Variants in GRIK4 observed in about 807,000 individuals in gnomAD.
GRIK4 encodes glutamate receptor ionotropic, kainate 4.
Under a neutral mutation model 104.9 loss-of-function variants are expected in GRIK4, and 40 were observed. That is an observed-to-expected ratio of 0.38 (90% CI 0.30 to 0.50). The LOEUF (loss-of-function observed/expected upper bound fraction) is 0.50, where lower values mean the gene tolerates loss of function less well. Among genes scored for constraint, GRIK4 ranks in the 20% least tolerant of loss-of-function variants. The probability of loss-of-function intolerance (pLI) is 0.93; values close to 1 mark genes in which losing one functional copy is unlikely to be tolerated. For synonymous variants in GRIK4, 485 were observed against 524.9 expected (o/e 0.92, Z 1.04); for missense variants, 1,047 against 1,308.1 (o/e 0.80, Z 3.08).
intron 3 of GRIK4, among the ~76,000 whole-genome samples, chr11:120,792,251 T>C (rs939260981): frequency 1.4e-4 from 21 of 151,468 alleles, no homozygotes; most frequent in African/African-American, 3.9e-4. Flanking sequence ...TGTGTGTGTG[T>C]GCGTGTGTGT....
At chr11:120,844,245 C>T (rs1953796726) in intron 8 of GRIK4, among the ~76,000 whole-genome samples, 1 of 152,312 alleles carries the variant, frequency 6.6e-6, no homozygotes, top group South Asian at 2.1e-4. Flanking sequence ...CGCTACTCAT[C>T]TTTCAGGACT....
At chr11:120,641,007 C>A (rs181456318) in intron 1 of GRIK4, among the ~76,000 whole-genome samples, 1 of 152,208 alleles carries the variant, frequency 6.6e-6, no homozygotes, top group Non-Finnish European at 1.5e-5. Context: ...CCACCGCGCC[C>A]GGCCCAGAAA....
chr11:120,749,184 C>T (rs1951499388), intron 3 of GRIK4, among the ~76,000 whole-genome samples: 1 of 152,054 alleles, frequency 6.6e-6, no homozygotes. Context: ...GTTCTGCCAA[C>T]ATTCCCCCCA....
chr11:120,632,453 C>T (rs1434289253), intron 1 of GRIK4, among the ~76,000 whole-genome samples: 1 of 152,124 alleles, frequency 6.6e-6, no homozygotes, highest in East Asian at 1.9e-4. Flanking sequence ...TTCTCCTCCT[C>T]TCTTTCTTCT....
chr11:120,729,852 GGA>G (rs1367911395), intron 3 of GRIK4, among the ~76,000 whole-genome samples: 1 of 152,150 alleles, frequency 6.6e-6, no homozygotes, highest in Non-Finnish European at 1.5e-5. Flanking sequence ...CCAGTGTCCT[GGA>G]GAGTTTCTCC....
At chr11:120,896,575 C>G (rs976984400) in intron 11 of GRIK4, among the ~76,000 whole-genome samples, 1 of 152,200 alleles carries the variant, frequency 6.6e-6, no homozygotes, top group Non-Finnish European at 1.5e-5. Flanking sequence ...TGGAGGCCCA[C>G]GAGAGCTCCC....
chr11:120,516,573 C>T (rs78861780), intron 1 of GRIK4, among the ~76,000 whole-genome samples: 5,554 of 151,968 alleles, frequency 0.037, 265 homozygotes, highest in East Asian at 0.16. Flanking sequence ...GCAGCAGGCT[C>T]GGGGGAGCCG....
At chr11:120,605,360 C>T (rs984835326) in intron 1 of GRIK4, among the ~76,000 whole-genome samples, 1 of 152,218 alleles carries the variant, frequency 6.6e-6, no homozygotes, top group South Asian at 2.1e-4. Flanking sequence ...CTGCCCTCTC[C>T]AAGTGTACAG....
intron 3 of GRIK4, among the ~76,000 whole-genome samples, chr11:120,749,231 T>A (rs1951501007): frequency 6.6e-6 from 1 of 152,050 alleles, no homozygotes; most frequent in African/African-American, 2.4e-5. Flanking sequence ...AGTCTTCTGC[T>A]GATCTAACTG....
intron 3 of GRIK4, among the ~76,000 whole-genome samples, chr11:120,683,033 C>T (rs1027549734): frequency 1.3e-5 from 2 of 152,032 alleles, no homozygotes; most frequent in Non-Finnish European, 2.9e-5. Flanking sequence ...TGTGTGTCAT[C>T]GTTCCTCAGA....
intron 6 of GRIK4, 97 bp downstream of exon 6, chr11:120,820,017 G>A (rs1439785939): frequency 2.5e-6 from 3 of 1,192,334 alleles, no homozygotes; most frequent in Non-Finnish European, 3.6e-6. Flanking sequence ...CCAGGAAGGG[G>A]AGGCTTCCTT....
chr11:120,626,819 G>A (rs1228193087), intron 1 of GRIK4, among the ~76,000 whole-genome samples: 1 of 152,200 alleles, frequency 6.6e-6, no homozygotes, highest in Non-Finnish European at 1.5e-5. Context: ...CAGGAGGATG[G>A]CATACTCACA....
chr11:120,800,688 A>C (rs1182954052), intron 3 of GRIK4, among the ~76,000 whole-genome samples: 1 of 152,228 alleles, frequency 6.6e-6, no homozygotes, highest in African/African-American at 2.4e-5. Context: ...GAAGTTATGC[A>C]TGTAAATAAA....
intron 1 of GRIK4, among the ~76,000 whole-genome samples, chr11:120,593,590 C>T (rs1396397360): frequency 6.6e-6 from 1 of 152,062 alleles, no homozygotes; most frequent in Non-Finnish European, 1.5e-5. Context: ...AAGCCTTGCC[C>T]CCCACTTCTC....
chr11:120,815,290 G>T, intron 4 of GRIK4, 88 bp from the exon 5 acceptor site: 1 of 733,854 alleles, frequency 1.4e-6, no homozygotes, highest in Non-Finnish European at 2.4e-6. Flanking sequence ...TGAGGGGGCA[G>T]CGGGTGAAGA....
intron 3 of GRIK4, among the ~76,000 whole-genome samples, chr11:120,801,076 G>A (rs1012865329): frequency 7.2e-5 from 11 of 152,144 alleles, no homozygotes; most frequent in Non-Finnish European, 1.3e-4. Flanking sequence ...AACACCACAC[G>A]CATTAGCAGA....
intron 8 of GRIK4, among the ~76,000 whole-genome samples, chr11:120,845,191 T>C (rs1207091242): frequency 6.6e-6 from 1 of 152,178 alleles, no homozygotes; most frequent in Non-Finnish European, 1.5e-5. Flanking sequence ...ACACTGAGAA[T>C]AGAGAAAGGG....
intron 1 of GRIK4, among the ~76,000 whole-genome samples, chr11:120,579,649 G>A (rs12273031): frequency 0.18 from 27,420 of 152,142 alleles, 6,385 homozygotes; most frequent in African/African-American, 0.54. Context: ...GCCATGAGTA[G>A]CTGTAGGTTG....
chr11:120,713,410 C>T (rs1950773709), intron 3 of GRIK4, among the ~76,000 whole-genome samples: 1 of 152,206 alleles, frequency 6.6e-6, no homozygotes, highest in African/African-American at 2.4e-5. Flanking sequence ...GGCAGGTAAA[C>T]TCCATAAAGA....
Sources: allele counts gnomAD v4.1 joint callset (sites outside exome capture counted in the v4.1 genomes callset), GRCh38; gene constraint gnomAD v4.1.1; transcripts MANE v1.5; gene names NCBI Gene and HGNC (gene_info 2026-07-23, HGNC 2026-07-21).